The following HFM1 variants were observed in gnomAD, a reference collection of about 807,000 sequenced individuals.
The protein encoded by HFM1 is probable ATP-dependent DNA helicase HFM1.
Under a neutral mutation model 192.1 loss-of-function variants are expected in HFM1, and 169 were observed. That is an observed-to-expected ratio of 0.88 (90% CI 0.78 to 1.00). The LOEUF (loss-of-function observed/expected upper bound fraction) is 1.00. HFM1 is among the 50% of genes least tolerant of loss of function. HFM1 has a pLI of 0.00. For missense variants in HFM1, 1,661 were observed against 1,668.0 expected, an observed-to-expected ratio of 1.00 and a Z score of 0.07; for synonymous variants, 525 against 537.8, an observed-to-expected ratio of 0.98 and a Z score of 0.33.
At chr1:91,395,082 C>A (rs1663489514) in intron 3 of HFM1, among the ~76,000 whole-genome samples, 1 of 151,878 alleles carries the variant, frequency 6.6e-6, no homozygotes. Context: ...TGTGCATGAA[C>A]CTATGACCCA....
At chr1:91,396,811 C>G (rs1338216989) in intron 2 of HFM1, among the ~76,000 whole-genome samples, 2 of 152,216 alleles carry the variant, frequency 1.3e-5, no homozygotes, top group Non-Finnish European at 2.9e-5. Context: ...GATACCATTA[C>G]TGGTATTCCA....
rs1212210127 is a variant in HFM1, at chr1:91,385,824, T to C, written c.505A>G (p.Ile169Val). 1 of 1,593,110 alleles carries C rather than the reference T, an allele frequency of 6.3e-7. No homozygotes were observed. Among genetic ancestry groups the C allele is most frequent in the Non-Finnish European group, 8.6e-7 (1 of 1,168,642 alleles). ...GCACTCCCATGTATATTGTCAGATA[T>C]TTTAAATAATCTGCAAACAAAAAAA... ...TSVFRKRLFK[I>V]SDNIHGSAYS... The change falls in exon 5 of 39, where the codon ATA (isoleucine) becomes GTA (valine). Residue 169 changes from isoleucine (I) to valine (V), a missense_variant. Ile to Val is a conservative substitution (Grantham distance 29). Transcript: ENST00000370425.
At chr1:91,278,986 GACT>G (rs1320423418) in intron 30 of HFM1, among the ~76,000 whole-genome samples, 1 of 151,870 alleles carries the variant, frequency 6.6e-6, no homozygotes, top group Non-Finnish European at 1.5e-5. Context: ...TAACACAGAT[GACT>G]ACTATTTTTT....
At chr1:91,404,919 C>G (rs1384184985), upstream of HFM1, 2 of 453,368 alleles carry the variant, frequency 4.4e-6, no homozygotes, top group East Asian at 1.4e-4. Context: ...CTCTCCCTTC[C>G]TACCTTTTTT....
At chr1:91,297,526 C>A (rs1647847549) in intron 30 of HFM1, among the ~76,000 whole-genome samples, 3 of 152,222 alleles carry the variant, frequency 2.0e-5, no homozygotes, top group South Asian at 2.1e-4. Flanking sequence ...AGTAGGCTAA[C>A]TGGGAGGCGT....
chr1:91,320,092 T>C (rs1651859448), intron 23 of HFM1, among the ~76,000 whole-genome samples: 1 of 152,208 alleles, frequency 6.6e-6, no homozygotes. Context: ...AAATCACTGA[T>C]GGTTCTAACT....
intron 4 of HFM1, among the ~76,000 whole-genome samples, chr1:91,391,812 C>A (rs112796434): frequency 1.3e-5 from 2 of 151,430 alleles, no homozygotes; most frequent in African/African-American, 4.8e-5. Flanking sequence ...AGTGAACAGG[C>A]AACCAATGGG....
chr1:91,390,754 G>A (rs541247219), intron 4 of HFM1, among the ~76,000 whole-genome samples: 70 of 152,226 alleles, frequency 4.6e-4, no homozygotes, highest in African/African-American at 1.7e-3. Flanking sequence ...GTTCTGGCCA[G>A]GGCAATCAGG....
chr1:91,321,821 C>T (rs921127116), intron 23 of HFM1, among the ~76,000 whole-genome samples: 3 of 151,900 alleles, frequency 2.0e-5, no homozygotes, highest in Non-Finnish European at 2.9e-5. Context: ...AATATACTAC[C>T]CAATTTAAGG....
chr1:91,343,583 T>C (rs1013365323), intron 19 of HFM1, 73 bp from the exon 20 acceptor site: 1 of 609,126 alleles, frequency 1.6e-6, no homozygotes, highest in Non-Finnish European at 2.8e-6. Context: ...TATTATTAAA[T>C]ATGCTAAAGT....
In HFM1 at chr1:91,352,626, T is replaced by C. The variant is rs1166460421; in HGVS notation, c.1857A>G (p.Gly619=). The C allele has an allele frequency of 6.2e-6, 10 of 1,607,780 alleles. No homozygotes were observed. Among genetic ancestry groups the C allele is most frequent in the Non-Finnish European group, 8.5e-6 (10 of 1,176,776 alleles). ...VLFTTSTLAM[G]VNLPAHLVVI... ...CTACTAGGTGAGCAGGCAAATTTAC[T>C]CCCATAGCTAAAGTACTGGTAGTAA... The change falls in exon 16 of 39, where the codon GGA becomes GGG. Residue 619 remains glycine, a synonymous_variant. Transcript: ENST00000370425.
At position 91,380,182 on chromosome 1, in the gene HFM1, T is replaced by A; in HGVS notation, c.928A>T (p.Thr310Ser). The A allele has an allele frequency of 6.4e-7, 1 of 1,570,930 alleles. No homozygotes were observed. Among genetic ancestry groups the A allele is most frequent in the African/African-American group, 1.4e-5 (1 of 73,220 alleles). Residue 310 changes from threonine to serine, a missense_variant, in exon 8 of 39, where the codon ACT becomes TCT. Thr to Ser is a moderately conservative substitution (Grantham distance 58). Coordinates refer to ENST00000370425, the MANE Select transcript of HFM1 (RefSeq NM_001017975.6). ...VICAPTGSGK[T>S]VVFELAITRL... is the part of the protein sequence containing the mutation. ...GTTATAGCTAGTTCAAACACTACAG[T>A]TTTTCCAGAACCAGTTGGAGCACAA...
At chr1:91,370,296 A>G (rs1284302737) in intron 13 of HFM1, among the ~76,000 whole-genome samples, 2 of 152,178 alleles carry the variant, frequency 1.3e-5, no homozygotes, top group African/African-American at 4.8e-5. Flanking sequence ...AAAAAAGAGA[A>G]TTTTAGACCA....
At chr1:91,273,473 T>G (rs993220770) in intron 34 of HFM1, among the ~76,000 whole-genome samples, 12 of 152,092 alleles carry the variant, frequency 7.9e-5, no homozygotes, top group African/African-American at 2.9e-4. Flanking sequence ...ATAGTATCTT[T>G]AAATTAAAAT....
chr1:91,268,775 C>T (rs1226949612), intron 34 of HFM1, among the ~76,000 whole-genome samples: 1 of 151,900 alleles, frequency 6.6e-6, no homozygotes, highest in Non-Finnish European at 1.5e-5. Flanking sequence ...TTAAGTTTTG[C>T]CACTGTTTTA....
intron 20 of HFM1, among the ~76,000 whole-genome samples, chr1:91,339,848 G>T (rs1449130813): frequency 1.3e-5 from 2 of 151,994 alleles, no homozygotes; most frequent in Non-Finnish European, 2.9e-5. Flanking sequence ...AAGACACATA[G>T]TCATTACATT....
intron 13 of HFM1, among the ~76,000 whole-genome samples, chr1:91,358,526 G>A (rs566551770): frequency 5.9e-5 from 9 of 151,798 alleles, no homozygotes; most frequent in Non-Finnish European, 7.4e-5. Flanking sequence ...TTTCCATTAG[G>A]GCACCAAAAA....
In HFM1 at chr1:91,347,480, C is replaced by T; in HGVS notation, c.2207-4G>A. On this transcript the variant is annotated splice_region_variant and splice_polypyrimidine_tract_variant and intron_variant, in intron 18 of 38. Coordinates refer to ENST00000370425, the MANE Select transcript of HFM1 (RefSeq NM_001017975.6). ...TTGTTCAATCCAGATGCAAAACCTG[C>T]ATGTCATGAAAAAGTAAAATAGAAT... The T allele has an allele frequency of 6.3e-7, 1 of 1,580,756 alleles. No individual in the cohort carries two copies. The highest frequency in any genetic ancestry group is 1.2e-5 in the South Asian group (1 of 85,290).
intron 20 of HFM1, among the ~76,000 whole-genome samples, chr1:91,332,502 T>C (rs1653979506): frequency 6.6e-6 from 1 of 152,096 alleles, no homozygotes; most frequent in South Asian, 2.1e-4. Context: ...ACAAAACTAC[T>C]ACAAGAAAAT....
Sources: gnomAD v4.1 joint callset for allele counts (sites outside exome capture counted in the v4.1 genomes callset) on GRCh38, gnomAD v4.1.1 for gene constraint, MANE v1.5 for transcripts, NCBI Gene and HGNC (gene_info 2026-07-23, HGNC 2026-07-21) for gene names.